The following FANCB variants were observed in gnomAD, a reference collection of about 807,000 sequenced individuals.
The protein encoded by FANCB is Fanconi anemia group B protein.
A neutral mutation model predicts 38.9 loss-of-function variants in FANCB; 5 were observed. That is an observed-to-expected ratio of 0.13 (90% CI 0.07 to 0.27). The LOEUF (loss-of-function observed/expected upper bound fraction) is 0.27, where lower values mean the gene tolerates loss of function less well. FANCB is among the 10% of genes least tolerant of loss of function. The pLI is 1.00. For synonymous variants in FANCB, 236 were observed against 215.4 expected (o/e 1.10, Z -0.84); for missense variants, 573 against 602.7 (o/e 0.95, Z 0.52).
the FANCB span, among the ~76,000 whole-genome samples, chrX:14,783,822 A>G: frequency 8.9e-6 from 1 of 112,994 alleles, no homozygotes; most frequent in Non-Finnish European, 1.9e-5. Context: ...AATGCCAAGG[A>G]ATGCAAATGT....
chrX:14,869,070 T>TA (rs1239506871), intron 1 of FANCB, 27 bp from the exon 2 acceptor site: 1 of 111,440 alleles, frequency 9.0e-6, no homozygotes, highest in Non-Finnish European at 1.9e-5. Context: ...ATAAACATAT[T>TA]AGTTATATTC....
In FANCB at chrX:14,845,125, G is replaced by A. The variant is rs146157131; in HGVS notation, c.1658C>T (p.Thr553Met). The A allele has an allele frequency of 7.8e-5, 94 of 1,209,317 alleles. No individual in the cohort carries two copies. The African/African-American group carries it at 1.3e-3, about 17-fold the overall frequency. Residue 553 changes from threonine (T) to methionine (M), a missense_variant, in exon 8 of 10, where the codon ACG (threonine) becomes ATG (methionine). Physicochemically the swap from Thr to Met is moderately conservative, Grantham distance 81. Coordinates refer to ENST00000650831, the MANE Select transcript of FANCB (RefSeq NM_001018113.3). The stretch of plus-strand genomic sequence containing the variant: ...CTCTTTCTTGCTATCAGGGGTCAAC[G>A]TGACCCTTTTTGCTTCCAATCCTAT... ...CEIGLEAKRV[T>M]LTPDSKKEES... is the part of the protein sequence containing the mutation.
At chrX:14,760,798 G>A in the FANCB span, among the ~76,000 whole-genome samples, 3 of 111,163 alleles carry the variant, frequency 2.7e-5, no homozygotes, top group South Asian at 3.8e-4. Context: ...GTGAAACCCC[G>A]TCTCTACTAA....
chrX:14,755,550 C>T, the FANCB span, among the ~76,000 whole-genome samples: 3 of 111,406 alleles, frequency 2.7e-5, no homozygotes, highest in Non-Finnish European at 5.7e-5. Flanking sequence ...CCACTTACAA[C>T]AGCTACAATA....
the FANCB span, among the ~76,000 whole-genome samples, chrX:14,818,657 TAA>T: frequency 1.8e-5 from 2 of 111,521 alleles, no homozygotes; most frequent in Non-Finnish European, 3.8e-5. Context: ...GCCACACATA[TAA>T]AGTTTTCTAA....
the FANCB span, among the ~76,000 whole-genome samples, chrX:14,811,287 T>A: frequency 9.9e-5 from 11 of 111,468 alleles, no homozygotes; most frequent in African/African-American, 3.3e-4. Flanking sequence ...GCTAACATCA[T>A]AATGACAGGA....
At chrX:14,818,521 G>A in the FANCB span, among the ~76,000 whole-genome samples, 2 of 110,286 alleles carry the variant, frequency 1.8e-5, no homozygotes, top group African/African-American at 6.6e-5. Flanking sequence ...GAAGATTGGG[G>A]GGGATGTTAT....
the FANCB span, among the ~76,000 whole-genome samples, chrX:14,820,760 T>TA: frequency 0.057 from 6,276 of 110,990 alleles, 217 homozygotes; most frequent in East Asian, 0.11. Flanking sequence ...CAGATCTTTA[T>TA]AAAAAAAATT....
chrX:14,700,067 A>G, the FANCB span, among the ~76,000 whole-genome samples: 29 of 111,039 alleles, frequency 2.6e-4, no homozygotes, highest in Admixed American at 2.2e-3. Flanking sequence ...CTGTACAATA[A>G]TCTGTACAAC....
At chrX:14,704,073 T>TAAAC in the FANCB span, among the ~76,000 whole-genome samples, 1 of 111,478 alleles carries the variant, frequency 9.0e-6, no homozygotes, top group Admixed American at 9.5e-5. Flanking sequence ...GCCTCCCCAC[T>TAAAC]AAACACCAGA....
chrX:14,845,045 C>A lies in FANCB; in HGVS notation c.1738G>T (p.Ala580Ser), dbSNP rs1351500821. The change falls in exon 8 of 10, where the codon GCT becomes TCT. Residue 580 changes from alanine (A) to serine (S), a missense_variant. Transcript: ENST00000650831. ...AAAAGTGGTGAAAGAGATGTTACAG[C>A]AGTAATTATCTGTACACACTCTTTC... ...SKKECVQIITAVTSLSPLLTF... is the reference protein window; with the variant it reads ...SKKECVQIITSVTSLSPLLTF... 8.3e-7 allele frequency: 1 copy of A among 1,206,828 alleles called. No homozygotes were observed.
downstream of FANCB, among the ~76,000 whole-genome samples, chrX:14,840,158 A>G (rs2092351247): frequency 8.9e-6 from 1 of 112,082 alleles, no homozygotes; most frequent in African/African-American, 3.2e-5. Flanking sequence ...CTCCCGGCCA[A>G]GGAATTTTTT....
At chrX:14,695,015 C>T in the FANCB span, among the ~76,000 whole-genome samples, 4 of 111,462 alleles carry the variant, frequency 3.6e-5, no homozygotes, top group African/African-American at 9.8e-5. Flanking sequence ...TGAGACATCT[C>T]GATAGAGTTG....
the FANCB span, among the ~76,000 whole-genome samples, chrX:14,759,555 G>A: frequency 9.0e-6 from 1 of 111,706 alleles, no homozygotes; most frequent in Non-Finnish European, 1.9e-5. Flanking sequence ...GAAGGGATTG[G>A]GGTTTGATCT....
the FANCB span, among the ~76,000 whole-genome samples, chrX:14,707,936 C>T: frequency 1.4e-4 from 16 of 111,061 alleles, no homozygotes; most frequent in South Asian, 7.6e-4. Flanking sequence ...AACTAATTAA[C>T]ATGTCCATCA....
the FANCB span, chrX:14,730,063 C>A: frequency 2.0e-6 from 1 of 499,701 alleles, no homozygotes; most frequent in Non-Finnish European, 3.6e-6. Context: ...TTGAGTTGAA[C>A]TTGAAAGAGA....
the FANCB span, among the ~76,000 whole-genome samples, chrX:14,798,398 G>A: frequency 9.0e-6 from 1 of 111,291 alleles, no homozygotes; most frequent in South Asian, 3.8e-4. Context: ...TCCTGACATC[G>A]TGATCCACCC....
the FANCB span, among the ~76,000 whole-genome samples, chrX:14,827,591 T>A: frequency 8.9e-6 from 1 of 111,782 alleles, no homozygotes; most frequent in South Asian, 3.7e-4. Context: ...GAAGCCACAG[T>A]GATGAACCAG....
At chrX:14,713,878 G>A in the FANCB span, among the ~76,000 whole-genome samples, 1 of 111,022 alleles carries the variant, frequency 9.0e-6, no homozygotes, top group African/African-American at 3.3e-5. Context: ...TGATTTGACT[G>A]GAAATTTAAC....
Sources: allele counts gnomAD v4.1 joint callset (sites outside exome capture counted in the v4.1 genomes callset), GRCh38; gene constraint gnomAD v4.1.1; transcripts MANE v1.5; gene names NCBI Gene and HGNC (gene_info 2026-07-23, HGNC 2026-07-21).